The following ANOS1 variants were observed in gnomAD, a reference collection of about 807,000 sequenced individuals.
ANOS1 encodes the protein anosmin 1.
A neutral mutation model predicts 59.0 loss-of-function variants in ANOS1; 6 were observed. The ratio of observed to expected loss-of-function variants is 0.10; its 90% CI spans 0.06 to 0.20. The LOEUF is 0.20. ANOS1 is among the 10% of genes least tolerant of loss of function. ANOS1 has a pLI of 1.00. For synonymous variants in ANOS1, 217 were observed against 223.4 expected (o/e 0.97, Z 0.25); for missense variants, 433 against 542.3 (o/e 0.80, Z 2.00).
chrX:8,640,039 T>G (rs929922511), intron 2 of ANOS1, among the ~76,000 whole-genome samples: 4 of 110,818 alleles, frequency 3.6e-5, no homozygotes, highest in African/African-American at 1.3e-4. Context: ...AGCAGGGCAG[T>G]AGGGGGAGGC....
chrX:8,666,684 C>A (rs1358262407), intron 2 of ANOS1, among the ~76,000 whole-genome samples: 1 of 112,308 alleles, frequency 8.9e-6, no homozygotes. Context: ...GCTCCACATT[C>A]CCCACATGCC....
chrX:8,645,559 G>A lies in ANOS1; in HGVS notation c.256-21889C>T, dbSNP rs901756454. On this transcript the variant is annotated intron_variant, in intron 2 of 13. Transcript: ENST00000262648. The stretch of plus-strand genomic sequence containing the variant: ...ATTTCTCCACTCTTCTTCTGAATGT[G>A]TTCTCTTTAAGCTTTGTTGTTGTTG... Among the ~76,000 whole-genome samples, 3 of 111,518 alleles carry A rather than the reference G, an allele frequency of 2.7e-5. No individual in the cohort carries two copies. In the East Asian group the frequency reaches 8.4e-4, roughly 31 times the overall value.
At chrX:8,567,179 A>G in intron 8 of ANOS1, among the ~76,000 whole-genome samples, 1 of 112,413 alleles carries the variant, frequency 8.9e-6, no homozygotes, top group Non-Finnish European at 1.9e-5. Context: ...TGAGTGTCAT[A>G]TAAGAAAGAC....
At chrX:8,685,134 T>C (rs943628577) in intron 2 of ANOS1, among the ~76,000 whole-genome samples, 8 of 111,315 alleles carry the variant, frequency 7.2e-5, no homozygotes, top group African/African-American at 2.6e-4. Flanking sequence ...TATGATTTAA[T>C]TAGACAGTTT....
At chrX:8,688,364 C>A (rs1026334942) in intron 2 of ANOS1, among the ~76,000 whole-genome samples, 1 of 112,285 alleles carries the variant, frequency 8.9e-6, no homozygotes, top group Admixed American at 9.5e-5. Flanking sequence ...CCCTGCTCTG[C>A]GTGCTTTCTG....
intron 1 of ANOS1, among the ~76,000 whole-genome samples, chrX:8,705,993 T>C (rs1932777418): frequency 8.9e-6 from 1 of 112,377 alleles, no homozygotes; most frequent in Non-Finnish European, 1.9e-5. Context: ...TTATATAAGT[T>C]CAATCAACTG....
chrX:8,561,466 A>ATTTTTTTT (rs34119310), intron 8 of ANOS1, among the ~76,000 whole-genome samples: 134 of 66,841 alleles, frequency 2.0e-3, no homozygotes, highest in Non-Finnish European at 2.7e-3. Context: ...TGCCCGGCTA[A>ATTTTTTTT]TTTTTTTTTT....
At chrX:8,612,257 CA>C (rs937811302) in intron 3 of ANOS1, among the ~76,000 whole-genome samples, 2 of 111,202 alleles carry the variant, frequency 1.8e-5, no homozygotes, top group African/African-American at 6.5e-5. Context: ...ATATGAAATT[CA>C]AAAATGGAAT....
At chrX:8,685,604 GAAAGA>G (rs1421073447) in intron 2 of ANOS1, among the ~76,000 whole-genome samples, 711 of 65,686 alleles carry the variant, frequency 0.011, 12 homozygotes, top group East Asian at 0.025. Context: ...AAGGAAGAAA[GAAAGA>G]AAGAAAGAAA....
chrX:8,612,218 C>CA (rs1931070841), intron 3 of ANOS1, among the ~76,000 whole-genome samples: 1 of 111,370 alleles, frequency 9.0e-6, no homozygotes, highest in South Asian at 3.7e-4. Context: ...GTAAAATTCT[C>CA]AAAAATTTAC....
intron 8 of ANOS1, among the ~76,000 whole-genome samples, chrX:8,554,549 T>G (rs1038940768): frequency 1.9e-4 from 18 of 94,354 alleles, no homozygotes; most frequent in Non-Finnish European, 3.1e-4. Flanking sequence ...GGAGTTTTTT[T>G]TTTTTTTTTT....
intron 2 of ANOS1, among the ~76,000 whole-genome samples, chrX:8,652,201 G>A (rs1034306638): frequency 2.7e-5 from 3 of 111,277 alleles, no homozygotes; most frequent in South Asian, 3.8e-4. Flanking sequence ...GGCTTCAGGC[G>A]ATCCTCCCAC....
At chrX:8,726,749 C>T (rs1195471257) in intron 1 of ANOS1, among the ~76,000 whole-genome samples, 1 of 112,166 alleles carries the variant, frequency 8.9e-6, no homozygotes, top group African/African-American at 3.2e-5. Context: ...GTCAGAGGAG[C>T]AGGAGTGTCC....
intron 5 of ANOS1, 142 bp from the exon 6 acceptor site, chrX:8,585,538 C>T: frequency 1.6e-6 from 1 of 633,880 alleles, no homozygotes; most frequent in Non-Finnish European, 2.5e-6. Context: ...GCTTATCATG[C>T]CCAGTTATGA....
intron 2 of ANOS1, among the ~76,000 whole-genome samples, chrX:8,651,941 TG>T (rs918541536): frequency 9.0e-6 from 1 of 111,443 alleles, no homozygotes; most frequent in African/African-American, 3.3e-5. Context: ...CTTGGTTTTT[TG>T]TTTGGTTTTG....
intron 5 of ANOS1, among the ~76,000 whole-genome samples, chrX:8,587,337 A>T (rs1385341619): frequency 9.0e-6 from 1 of 111,642 alleles, no homozygotes; most frequent in African/African-American, 3.3e-5. Flanking sequence ...ATGTCCCACT[A>T]AGTAATTTTG....
intron 3 of ANOS1, among the ~76,000 whole-genome samples, chrX:8,622,215 G>T (rs186075103): frequency 9.0e-6 from 1 of 111,524 alleles, no homozygotes; most frequent in African/African-American, 3.3e-5. Context: ...AGGGTTGACC[G>T]TTGACAAGCC....
At position 8,570,752 on chromosome X, in the gene ANOS1, A is replaced by T. The variant is rs149093542; in HGVS notation, c.857-48T>A. On this transcript the variant is annotated intron_variant, in intron 6 of 13. Transcript: ENST00000262648. ...CATCATATGACTCCACAAAACTAAC[A>T]TCTTTGGACATGTAATGACTACATG... The T allele has an allele frequency of 8.4e-3, 8,968 of 1,066,502 alleles. 437 individuals carry two copies. In the African/African-American group the frequency reaches 0.14, roughly 17 times the overall value. The allele number at this position is 1,066,502 out of a possible 1,213,427, so 87.9% of individuals were successfully genotyped here.
chrX:8,704,211 T>C (rs776773757), intron 1 of ANOS1, among the ~76,000 whole-genome samples: 15 of 112,064 alleles, frequency 1.3e-4, no homozygotes, highest in Non-Finnish European at 2.8e-4. Context: ...AAATCTCTTT[T>C]TCTTTGTAAA....
Sources: allele counts gnomAD v4.1 joint callset (sites outside exome capture counted in the v4.1 genomes callset), GRCh38; gene constraint gnomAD v4.1.1; transcripts MANE v1.5; gene names NCBI Gene and HGNC (gene_info 2026-07-23, HGNC 2026-07-21).